The following CHST11 variants were observed in gnomAD, a reference collection of about 807,000 sequenced individuals.
CHST11 encodes the protein carbohydrate sulfotransferase 11, also known as C4S-1.
A neutral mutation model predicts 30.4 loss-of-function variants in CHST11; 9 were observed. The ratio of observed to expected loss-of-function variants is 0.30; its 90% CI spans 0.18 to 0.52. The LOEUF is 0.52. Ranked by LOEUF, CHST11 falls within the 20% of genes least tolerant of loss-of-function variation. The pLI is 0.97. For synonymous variants in CHST11, 152 were observed against 187.8 expected, an observed-to-expected ratio of 0.81 and a Z score of 1.56; for missense variants, 348 against 460.6, an observed-to-expected ratio of 0.76 and a Z score of 2.24.
chr12:104,553,702 A>G (rs993990174), intron 1 of CHST11, among the ~76,000 whole-genome samples: 3 of 152,080 alleles, frequency 2.0e-5, no homozygotes, highest in Non-Finnish European at 4.4e-5. Context: ...CCATGATCCA[A>G]TCACCTTCCA....
chr12:104,679,204 T>C (rs2039770267), intron 2 of CHST11, among the ~76,000 whole-genome samples: 1 of 152,136 alleles, frequency 6.6e-6, no homozygotes, highest in South Asian at 2.1e-4. Flanking sequence ...CAAGTCAAGA[T>C]TCCAACCCAG....
At chr12:104,752,821 G>A (rs1190040280) in intron 2 of CHST11, among the ~76,000 whole-genome samples, 1 of 152,164 alleles carries the variant, frequency 6.6e-6, no homozygotes, top group Non-Finnish European at 1.5e-5. Flanking sequence ...GAGCCACCAC[G>A]CCTGGCCTAG....
At chr12:104,532,307 T>C (rs532653670) in intron 1 of CHST11, among the ~76,000 whole-genome samples, 7 of 152,264 alleles carry the variant, frequency 4.6e-5, no homozygotes, top group African/African-American at 1.7e-4. Context: ...ACAGCCCTTT[T>C]GTGATGATTC....
chr12:104,721,686 C>T (rs1205866695), intron 2 of CHST11, among the ~76,000 whole-genome samples: 2 of 152,014 alleles, frequency 1.3e-5, no homozygotes, highest in Non-Finnish European at 2.9e-5. Flanking sequence ...GTTTTCAGAG[C>T]CACCTCAAAG....
intron 2 of CHST11, among the ~76,000 whole-genome samples, chr12:104,689,491 C>T (rs560458977): frequency 6.6e-6 from 1 of 152,228 alleles, no homozygotes; most frequent in Non-Finnish European, 1.5e-5. Flanking sequence ...TTTGAATTCT[C>T]TTTCATGCAT....
At chr12:104,606,871 C>T (rs1005200522) in intron 2 of CHST11, among the ~76,000 whole-genome samples, 1 of 152,068 alleles carries the variant, frequency 6.6e-6, no homozygotes, top group East Asian at 1.9e-4. Context: ...AGTTCTAAAC[C>T]AGCCTGGGCA....
At chr12:104,746,915 C>G (rs1034687468) in intron 2 of CHST11, among the ~76,000 whole-genome samples, 2 of 152,152 alleles carry the variant, frequency 1.3e-5, no homozygotes, top group African/African-American at 4.8e-5. Context: ...ACCTTTGACC[C>G]CTGGCTCTAC....
intron 1 of CHST11, among the ~76,000 whole-genome samples, chr12:104,579,040 G>A (rs1056445629): frequency 6.6e-6 from 1 of 152,242 alleles, no homozygotes; most frequent in Non-Finnish European, 1.5e-5. Context: ...GAAGCCATGA[G>A]AAGGTGCCCA....
intron 1 of CHST11, among the ~76,000 whole-genome samples, chr12:104,535,276 A>T (rs1415246899): frequency 6.6e-6 from 1 of 152,198 alleles, no homozygotes; most frequent in African/African-American, 2.4e-5. Context: ...TGGGAATGGT[A>T]GGTCAAGTCT....
chr12:104,661,834 T>C (rs1400669565), intron 2 of CHST11, among the ~76,000 whole-genome samples: 1 of 152,080 alleles, frequency 6.6e-6, no homozygotes, highest in Non-Finnish European at 1.5e-5. Flanking sequence ...ACAACAAAAT[T>C]TGGATAAAGT....
chr12:104,495,892 A>G (rs2037793849), intron 1 of CHST11, among the ~76,000 whole-genome samples: 1 of 152,192 alleles, frequency 6.6e-6, no homozygotes, highest in Non-Finnish European at 1.5e-5. Context: ...CAGCTGACCC[A>G]TATCAAGAAA....
intron 1 of CHST11, among the ~76,000 whole-genome samples, chr12:104,531,947 A>T (rs1335105347): frequency 6.6e-6 from 1 of 152,230 alleles, no homozygotes; most frequent in African/African-American, 2.4e-5. Context: ...TTTACAGTGA[A>T]GGAAATGGAG....
At chr12:104,538,638 C>CACCA (rs1233503541) in intron 1 of CHST11, among the ~76,000 whole-genome samples, 1 of 152,170 alleles carries the variant, frequency 6.6e-6, no homozygotes, top group African/African-American at 2.4e-5. Flanking sequence ...TTCTTTCCTC[C>CACCA]ACCAGATTGT....
At chr12:104,640,061 C>T (rs1030161235) in intron 2 of CHST11, among the ~76,000 whole-genome samples, 2 of 152,054 alleles carry the variant, frequency 1.3e-5, no homozygotes, top group Non-Finnish European at 2.9e-5. Flanking sequence ...GTCTAAAATC[C>T]AAAACACCAG....
intron 1 of CHST11, among the ~76,000 whole-genome samples, chr12:104,524,047 T>C (rs1280871240): frequency 8.7e-5 from 13 of 148,940 alleles, no homozygotes; most frequent in African/African-American, 3.2e-4. Context: ...TTCTTTTTTT[T>C]TTTTTTTTTT....
intron 2 of CHST11, among the ~76,000 whole-genome samples, chr12:104,718,750 C>G (rs1269709648): frequency 6.6e-6 from 1 of 152,190 alleles, no homozygotes; most frequent in Non-Finnish European, 1.5e-5. Context: ...AGCAAGCAGG[C>G]AGATGCAATG....
chr12:104,640,093 A>G (rs1415441555), intron 2 of CHST11, among the ~76,000 whole-genome samples: 1 of 152,242 alleles, frequency 6.6e-6, no homozygotes, highest in African/African-American at 2.4e-5. Flanking sequence ...GCTGGTGAAG[A>G]CATGGAGTAA....
chr12:104,514,291 C>A, intron 1 of CHST11: 1 of 878,154 alleles, frequency 1.1e-6, no homozygotes, highest in Non-Finnish European at 2.0e-6. Context: ...GGCATTGGAG[C>A]GGTGTTTGGC....
intron 2 of CHST11, among the ~76,000 whole-genome samples, chr12:104,623,033 A>G (rs892414156): frequency 4.6e-5 from 7 of 152,198 alleles, no homozygotes; most frequent in South Asian, 2.1e-4. Flanking sequence ...CGTTTTCTGT[A>G]AAGGGCCAGA....
Sources: allele counts gnomAD v4.1 joint callset (sites outside exome capture counted in the v4.1 genomes callset), GRCh38; gene constraint gnomAD v4.1.1; transcripts MANE v1.5; gene names NCBI Gene and HGNC (gene_info 2026-07-23, HGNC 2026-07-21).